The following OTOG variants were observed in gnomAD, a reference collection of about 807,000 sequenced individuals.
OTOG encodes otogelin.
A neutral mutation model predicts 313.8 loss-of-function variants in OTOG; 296 were observed. The ratio of observed to expected loss-of-function variants is 0.94; its 90% CI spans 0.86 to 1.04. The LOEUF is 1.04. Ranked by LOEUF, OTOG falls within the 50% of genes least tolerant of loss-of-function variation. The pLI is 0.00. For synonymous variants in OTOG, 1,533 were observed against 1,554.9 expected, an observed-to-expected ratio of 0.99 and a Z score of 0.33; for missense variants, 3,948 against 3,840.1, an observed-to-expected ratio of 1.03 and a Z score of -0.74.
chr11:17,604,924 G>T (rs1472601248), intron 32 of OTOG, among the ~76,000 whole-genome samples: 3 of 152,192 alleles, frequency 2.0e-5, no homozygotes, highest in Non-Finnish European at 4.4e-5. Flanking sequence ...CCATCTTCTC[G>T]CAGCTTCCCA....
Position 17,609,216 on chromosome 11 carries a change from G to A in OTOG, c.4354+7G>A. The A allele has an allele frequency of 6.5e-7, 1 of 1,549,592 alleles. No homozygotes were observed. The highest frequency in any genetic ancestry group is 8.7e-7 in the Non-Finnish European group (1 of 1,146,130). On this transcript the variant is annotated splice_region_variant and intron_variant, in intron 35 of 55. Coordinates refer to ENST00000399397, the MANE Select transcript of OTOG (RefSeq NM_001292063.2). The stretch of plus-strand genomic sequence containing the variant: ...TGTGTCTACTTGGAGGACTGTAAGT[G>A]GCCCAGACTTCTCATCCTTCCCTCA...
chr11:17,583,037 T>A (rs538990649), intron 23 of OTOG, among the ~76,000 whole-genome samples: 1 of 152,154 alleles, frequency 6.6e-6, no homozygotes, highest in East Asian at 1.9e-4. Flanking sequence ...TTATCATTTT[T>A]TTCTTTATAG....
At chr11:17,631,561 C>T (rs907666909) in intron 40 of OTOG, 141 bp from the exon 41 acceptor site, 7 of 698,152 alleles carry the variant, frequency 1.0e-5, no homozygotes, top group Non-Finnish European at 1.7e-5. Context: ...AGCTTCCCTT[C>T]ACCTAATTTC....
At chr11:17,608,800 A>G (rs1222635110) in intron 34 of OTOG, among the ~76,000 whole-genome samples, 3 of 152,188 alleles carry the variant, frequency 2.0e-5, no homozygotes, top group South Asian at 2.1e-4. Flanking sequence ...GAGGGGGTAC[A>G]TGAGGCCATG....
At chr11:17,606,194 C>T (rs1225327264) in intron 33 of OTOG, 59 bp downstream of exon 33, 2 of 1,462,694 alleles carry the variant, frequency 1.4e-6, no homozygotes, top group Non-Finnish European at 1.8e-6. Context: ...ACTGCTCTTC[C>T]CACCCTGTCC....
At chr11:17,620,862 C>A (rs142097497) in intron 39 of OTOG, among the ~76,000 whole-genome samples, 167 of 152,260 alleles carry the variant, frequency 1.1e-3, no homozygotes, top group African/African-American at 3.5e-3. Flanking sequence ...GTTCATTAAT[C>A]TTTTCATTTA....
chr11:17,578,287 C>T, intron 22 of OTOG, 86 bp from the exon 23 acceptor site: 1 of 1,410,136 alleles, frequency 7.1e-7, no homozygotes, highest in Non-Finnish European at 9.2e-7. Flanking sequence ...GCCCGTCTCT[C>T]CCTCCATCCT....
At chr11:17,644,642 A>G (rs1273684856) in intron 54 of OTOG, among the ~76,000 whole-genome samples, 1 of 152,242 alleles carries the variant, frequency 6.6e-6, no homozygotes, top group African/African-American at 2.4e-5. Context: ...TTCAACAAGA[A>G]GAAGAATACA....
chr11:17,587,760 C>A (rs944273214), intron 24 of OTOG, among the ~76,000 whole-genome samples: 2 of 152,196 alleles, frequency 1.3e-5, no homozygotes, highest in African/African-American at 4.8e-5. Flanking sequence ...AAGACACAGA[C>A]CTCTGCACAG....
intron 25 of OTOG, among the ~76,000 whole-genome samples, chr11:17,592,387 A>T (rs1194768392): frequency 1.3e-5 from 2 of 152,230 alleles, no homozygotes; most frequent in Non-Finnish European, 2.9e-5. Flanking sequence ...CTACAAGATG[A>T]AGATAATTGA....
chr11:17,575,108 C>T (rs1300460855), intron 20 of OTOG, among the ~76,000 whole-genome samples, 196 bp downstream of exon 20: 2 of 152,212 alleles, frequency 1.3e-5, no homozygotes, highest in African/African-American at 4.8e-5. Flanking sequence ...CAGCCTTGGC[C>T]TTTGGGCCAT....
At chr11:17,564,527 A>G (rs867677778) in intron 15 of OTOG, among the ~76,000 whole-genome samples, 2 of 152,214 alleles carry the variant, frequency 1.3e-5, no homozygotes, top group Middle Eastern at 3.2e-3. Context: ...GATCCATTAA[A>G]GCAGATGCAG....
Position 17,558,218 on chromosome 11 carries a change from A to T in OTOG, c.899A>T (p.His300Leu). Residue 300 changes from histidine to leucine, a missense_variant, in exon 9 of 56, where the codon CAC becomes CTC. His to Leu is a moderately conservative substitution (Grantham distance 99). Coordinates refer to ENST00000399397, the MANE Select transcript of OTOG (RefSeq NM_001292063.2). Reference protein sequence around the residue: ...KLTDDVVEFVHSWQEQAPNQP... With the variant: ...KLTDDVVEFVLSWQEQAPNQP... Reference sequence around the variant, plus strand: ...ACTGACGACGTGGTTGAGTTTGTGCACAGCTGGCAGGAGCAGGCCCCTAAC... The same window carrying T: ...ACTGACGACGTGGTTGAGTTTGTGCTCAGCTGGCAGGAGCAGGCCCCTAAC... The T allele has an allele frequency of 6.4e-7, 1 of 1,550,464 alleles. No homozygotes were observed. The highest frequency in any genetic ancestry group is 8.7e-7 in the Non-Finnish European group (1 of 1,146,928).
At chr11:17,638,797 C>A in intron 48 of OTOG, 2 of 1,496,222 alleles carry the variant, frequency 1.3e-6, no homozygotes, top group Non-Finnish European at 1.8e-6. Context: ...GGGTTTCCGT[C>A]TTAAAAAGTC....
chr11:17,588,386 A>C (rs1852854307), intron 24 of OTOG, among the ~76,000 whole-genome samples: 1 of 152,012 alleles, frequency 6.6e-6, no homozygotes, highest in Non-Finnish European at 1.5e-5. Context: ...GAGCCTGGCT[A>C]CCCATCCCTT....
intron 15 of OTOG, among the ~76,000 whole-genome samples, chr11:17,564,138 A>G (rs1017947210): frequency 1.1e-4 from 16 of 152,242 alleles, no homozygotes; most frequent in Admixed American, 7.8e-4. Context: ...CTTCACCCAC[A>G]TGATGGACCC....
At chr11:17,603,945 C>A (rs901942655) in intron 32 of OTOG, among the ~76,000 whole-genome samples, 2 of 152,170 alleles carry the variant, frequency 1.3e-5, no homozygotes, top group African/African-American at 4.8e-5. Flanking sequence ...TAGGACTTCT[C>A]ATGTGCCGGC....
Position 17,573,071 on chromosome 11 carries a change from TC to T in OTOG, c.2081-3del. The T allele has an allele frequency of 1.3e-6, 2 of 1,537,772 alleles. No individual in the cohort carries two copies. Reference sequence around the variant, plus strand: ...TGACTGCCTGGCTCCTGTTCTTCCTTCCCCAGCCTCCTACTCAGTGCAGGCC... The same window carrying T: ...TGACTGCCTGGCTCCTGTTCTTCCTTCCCAGCCTCCTACTCAGTGCAGGCC... On this transcript the variant is annotated splice_region_variant and splice_polypyrimidine_tract_variant and intron_variant, in intron 18 of 55. Coordinates refer to ENST00000399397, the MANE Select transcript of OTOG (RefSeq NM_001292063.2).
chr11:17,577,753 G>A (rs1852564449), intron 22 of OTOG, among the ~76,000 whole-genome samples: 1 of 151,934 alleles, frequency 6.6e-6, no homozygotes, highest in Non-Finnish European at 1.5e-5. Context: ...TTTCTCTCTG[G>A]TTCATCCCAG....
Sources: gnomAD v4.1 joint callset for allele counts (sites outside exome capture counted in the v4.1 genomes callset) on GRCh38, gnomAD v4.1.1 for gene constraint, MANE v1.5 for transcripts, NCBI Gene and HGNC (gene_info 2026-07-23, HGNC 2026-07-21) for gene names.